MYO3B: variants seen among roughly 807,000 people sequenced by gnomAD.
MYO3B encodes the protein myosin IIIB.
Under a neutral mutation model 174.6 loss-of-function variants are expected in MYO3B, and 156 were observed. The observed-to-expected ratio is 0.89, with a 90% CI of 0.78 to 1.02. MYO3B has a LOEUF of 1.02. Ranked by LOEUF, MYO3B falls within the 50% of genes least tolerant of loss-of-function variation. MYO3B has a pLI of 0.00. For synonymous variants in MYO3B, 563 were observed against 569.1 expected, an observed-to-expected ratio of 0.99 and a Z score of 0.15; for missense variants, 1,632 against 1,639.4, an observed-to-expected ratio of 1.00 and a Z score of 0.08.
At chr2:170,461,931 A>G (rs531223913) in intron 23 of MYO3B, among the ~76,000 whole-genome samples, 13 of 152,268 alleles carry the variant, frequency 8.5e-5, no homozygotes, top group Non-Finnish European at 1.9e-4. Context: ...GGCCCTAGCC[A>G]AGACCTTTTC....
chr2:170,329,527 C>G (rs2093896594), intron 7 of MYO3B, among the ~76,000 whole-genome samples: 1 of 150,778 alleles, frequency 6.6e-6, no homozygotes. Context: ...ATTACAGGTG[C>G]AGGCCACCAC....
At chr2:170,485,337 C>T (rs190067536) in intron 25 of MYO3B, among the ~76,000 whole-genome samples, 2 of 151,216 alleles carry the variant, frequency 1.3e-5, no homozygotes, top group Non-Finnish European at 2.9e-5. Flanking sequence ...CAGCATCTGC[C>T]CAATGATGCC....
At chr2:170,480,706 T>G (rs1685635127) in intron 25 of MYO3B, among the ~76,000 whole-genome samples, 1 of 152,126 alleles carries the variant, frequency 6.6e-6, no homozygotes, top group African/African-American at 2.4e-5. Flanking sequence ...GTGGACAATG[T>G]CCAAATTGAT....
chr2:170,601,516 CT>C, intron 32 of MYO3B: 1 of 848,098 alleles, frequency 1.2e-6, no homozygotes, highest in Non-Finnish European at 1.8e-6. Context: ...CTTACACAGC[CT>C]TACATTTTAA....
At chr2:170,394,935 A>G (rs1574909304) in intron 16 of MYO3B, among the ~76,000 whole-genome samples, 1 of 152,234 alleles carries the variant, frequency 6.6e-6, no homozygotes, top group East Asian at 1.9e-4. Context: ...AGACATTTCT[A>G]GATAAAGCTT....
chr2:170,186,644 G>A (rs1480115492), intron 1 of MYO3B, among the ~76,000 whole-genome samples: 1 of 152,130 alleles, frequency 6.6e-6, no homozygotes, highest in Non-Finnish European at 1.5e-5. Flanking sequence ...CATAAAATGA[G>A]TTTGAAAGTA....
chr2:170,353,043 T>C (rs1160041362), intron 8 of MYO3B, among the ~76,000 whole-genome samples: 3 of 152,240 alleles, frequency 2.0e-5, no homozygotes, highest in African/African-American at 7.2e-5. Flanking sequence ...GGTCTAGCAA[T>C]CGCCCTTTTT....
intron 7 of MYO3B, among the ~76,000 whole-genome samples, chr2:170,313,187 T>C (rs1401786042): frequency 6.6e-6 from 1 of 152,218 alleles, no homozygotes; most frequent in Non-Finnish European, 1.5e-5. Flanking sequence ...TTGTTCACCT[T>C]AATACTTAAC....
chr2:170,402,884 T>C lies in MYO3B; in HGVS notation c.2166T>C (p.Asp722=). Residue 722 remains aspartate, a synonymous_variant, in exon 19 of 35, where the codon GAT becomes GAC. Transcript: ENST00000408978. ...GTGGAATGAATGTGGGGATCTTGGA[T>C]ATCTTTGGATTCGAGAATTTTCAGA... ...AGGGMNVGIL[D]IFGFENFQRN... is the part of the protein sequence containing the mutation. 6.2e-7 allele frequency: 1 copy of C among 1,612,268 alleles called. No homozygotes were observed. Among genetic ancestry groups the C allele is most frequent in the Non-Finnish European group, 8.5e-7 (1 of 1,178,590 alleles).
chr2:170,478,926 T>A (rs1003805794), intron 25 of MYO3B, among the ~76,000 whole-genome samples: 8 of 128,884 alleles, frequency 6.2e-5, no homozygotes, highest in Admixed American at 7.7e-5. Context: ...ACACACACAC[T>A]AAACCTATAT....
At chr2:170,532,179 C>T (rs905654913) in intron 30 of MYO3B, among the ~76,000 whole-genome samples, 3 of 152,134 alleles carry the variant, frequency 2.0e-5, no homozygotes, top group African/African-American at 7.2e-5. Context: ...ATGTGCATAA[C>T]CTGAATTTAA....
intron 32 of MYO3B, among the ~76,000 whole-genome samples, chr2:170,601,495 T>G (rs1575228294): frequency 6.6e-6 from 1 of 152,340 alleles, no homozygotes; most frequent in East Asian, 1.9e-4. Flanking sequence ...CTGTACAGTG[T>G]AAAAACAAAT....
rs189946062 is a variant in MYO3B, at chr2:170,206,120, C to T, written c.321+5836C>T. On this transcript the variant is annotated intron_variant, in intron 3 of 34. Coordinates refer to ENST00000408978, the MANE Select transcript of MYO3B (RefSeq NM_138995.5). The surrounding 1 kb of genome is among the most constrained non-coding windows in gnomAD (Gnocchi z 4.3). Reference sequence around the variant, plus strand: ...ATTTAGAACTCATCACACACATGTACCCTCACATGCACATTCCCCCTCATT... The same window carrying T: ...ATTTAGAACTCATCACACACATGTATCCTCACATGCACATTCCCCCTCATT... Among the ~76,000 whole-genome samples, 1 of 152,204 alleles carries T rather than the reference C, an allele frequency of 6.6e-6. No homozygotes were observed. Among genetic ancestry groups the T allele is most frequent in the African/African-American group, 2.4e-5 (1 of 41,546 alleles).
intron 5 of MYO3B, among the ~76,000 whole-genome samples, chr2:170,216,581 G>C (rs556426538): frequency 9.9e-5 from 15 of 152,242 alleles, no homozygotes; most frequent in Middle Eastern, 3.4e-3. Context: ...TAGAATTCAG[G>C]TCCCCAACAT....
intron 8 of MYO3B, chr2:170,348,623 C>T (rs550753568): frequency 1.2e-4 from 18 of 152,312 alleles, no homozygotes; most frequent in African/African-American, 4.1e-4. Context: ...AGTCTGGCTA[C>T]TCAGACACCT....
intron 8 of MYO3B, among the ~76,000 whole-genome samples, chr2:170,368,664 C>A (rs1431030766): frequency 6.6e-6 from 1 of 152,116 alleles, no homozygotes; most frequent in East Asian, 1.9e-4. Context: ...GTACTCACTT[C>A]CTGTTCTGTG....
chr2:170,241,447 G>C (rs921347701), intron 7 of MYO3B, among the ~76,000 whole-genome samples: 2 of 152,166 alleles, frequency 1.3e-5, no homozygotes, highest in African/African-American at 4.8e-5. Flanking sequence ...GGGAACTTGG[G>C]AATGCCCTTG....
intron 22 of MYO3B, among the ~76,000 whole-genome samples, chr2:170,437,746 A>G (rs769723741): frequency 6.6e-6 from 1 of 152,138 alleles, no homozygotes; most frequent in Non-Finnish European, 1.5e-5. Flanking sequence ...AGAGAAAAAG[A>G]TATTTTTCCT....
Position 170,383,168 on chromosome 2 carries a change from T to A in MYO3B, c.1164T>A (p.Asn388Lys), listed in dbSNP as rs745497497. The change falls in exon 11 of 35, where the codon AAT becomes AAA. Residue 388 changes from asparagine to lysine, a missense_variant. Coordinates refer to ENST00000408978, the MANE Select transcript of MYO3B (RefSeq NM_138995.5). ...DILIALNPFQ[N>K]LSIYSPQFSR... ...TAATTGCCTTAAACCCCTTCCAGAA[T>A]CTAAGCATATACTCTCCACAGGTAA... 1.2e-6 allele frequency: 2 copies of A among 1,605,474 alleles called. No individual in the cohort carries two copies. Among genetic ancestry groups the A allele is most frequent in the Non-Finnish European group, 1.7e-6 (2 of 1,172,434 alleles).
Sources: allele counts gnomAD v4.1 joint callset (sites outside exome capture counted in the v4.1 genomes callset), GRCh38; gene constraint gnomAD v4.1.1; non-coding constraint Gnocchi (gnomAD v3.1); transcripts MANE v1.5; gene names NCBI Gene and HGNC (gene_info 2026-07-23, HGNC 2026-07-21).